Variants in LANCL2 observed in about 807,000 individuals in gnomAD.
The protein encoded by LANCL2 is lanC-like protein 2.
A neutral mutation model predicts 56.9 loss-of-function variants in LANCL2; 33 were observed. That is an observed-to-expected ratio of 0.58 (90% confidence interval 0.44 to 0.78). The LOEUF is 0.78. Ranked by LOEUF, LANCL2 falls within the 30% of genes least tolerant of loss-of-function variation. The probability of loss-of-function intolerance (pLI) is 0.00; values close to 1 mark genes in which losing one functional copy is unlikely to be tolerated. For missense variants in LANCL2, 562 were observed against 580.2 expected (o/e 0.97, Z 0.32); for synonymous variants, 233 against 228.2 (o/e 1.02, Z -0.19).
At chr7:55,379,945 A>G (rs1790047504) in intron 1 of LANCL2, 1 of 152,260 alleles carries the variant, frequency 6.6e-6, no homozygotes, top group Admixed American at 6.5e-5. Flanking sequence ...TTATCATTTA[A>G]GTGAGCATAA....
chr7:55,429,519 T>C (rs1318831883), intron 8 of LANCL2, among the ~76,000 whole-genome samples: 2 of 152,262 alleles, frequency 1.3e-5, no homozygotes, highest in Admixed American at 6.5e-5. Flanking sequence ...TGTCCTGTTT[T>C]AGTTTTCATA....
intron 1 of LANCL2, chr7:55,379,660 T>G (rs1465842926): frequency 1.3e-5 from 2 of 152,634 alleles, no homozygotes; most frequent in Non-Finnish European, 2.9e-5. Flanking sequence ...AAACCAAAGG[T>G]CAAGACACAG....
At position 55,398,566 on chromosome 7, in the gene LANCL2, G is replaced by C. The variant is rs1790283183; in HGVS notation, c.466G>C (p.Ala156Pro). The change falls in exon 3 of 9, where the codon GCT (alanine) becomes CCT (proline). Residue 156 changes from alanine to proline, a missense_variant. Ala to Pro is a conservative substitution (Grantham distance 27). Coordinates refer to ENST00000254770, the MANE Select transcript of LANCL2 (RefSeq NM_018697.4). ...CCTCTGTGGGGATGCTGGCCCCCTGGCTGTTGGAGCTGTGATTTATCACAA... is the reference window on the plus strand; with the variant it reads ...CCTCTGTGGGGATGCTGGCCCCCTGCCTGTTGGAGCTGTGATTTATCACAA... ...TFLCGDAGPLAVGAVIYHKLR... is the reference protein window; with the variant it reads ...TFLCGDAGPLPVGAVIYHKLR... 1.9e-6 allele frequency: 3 copies of C among 1,614,202 alleles called. No individual in the cohort carries two copies. The highest frequency in any genetic ancestry group is 2.5e-6 in the Non-Finnish European group (3 of 1,180,040).
At chr7:55,385,138 G>T (rs1490464592) in intron 1 of LANCL2, among the ~76,000 whole-genome samples, 1 of 152,150 alleles carries the variant, frequency 6.6e-6, no homozygotes, top group African/African-American at 2.4e-5. Flanking sequence ...AGTGAGCCAA[G>T]ATCATGCCAT....
At position 55,425,401 on chromosome 7, in the gene LANCL2, G is replaced by A. The variant is rs1233522408; in HGVS notation, c.1156G>A (p.Asp386Asn). The A allele has an allele frequency of 6.2e-7, 1 of 1,614,096 alleles. No individual in the cohort carries two copies. ...CCTGTCCCTTTACCGTCTCACGCAG[G>A]ATAAGAAGTACCTCTACCGAGCTTG... Reference protein sequence around the residue: ...SFLSLYRLTQDKKYLYRACKF... With the variant: ...SFLSLYRLTQNKKYLYRACKF... Residue 386 changes from aspartate (D) to asparagine (N), a missense_variant, in exon 7 of 9, where the codon GAT becomes AAT. Asp to Asn is a conservative substitution (Grantham distance 23, BLOSUM62 1). This residue lies in a region of LANCL2 where 378 missense variants were observed against 468.4 expected (regional missense o/e 0.81). Transcript: ENST00000254770.
intron 1 of LANCL2, among the ~76,000 whole-genome samples, chr7:55,390,831 A>G (rs959989528): frequency 1.3e-5 from 2 of 151,960 alleles, no homozygotes; most frequent in Non-Finnish European, 2.9e-5. Context: ...CTGTTAAGCT[A>G]CATTATTTAA....
chr7:55,432,122 T>G lies in LANCL2; in HGVS notation c.*802T>G, dbSNP rs1411607351. On this transcript the variant is annotated 3_prime_UTR_variant, in exon 9 of 9. Transcript: ENST00000254770. ...CTAAGCACTGGCAGTTCCAGAACATTTACCCAGGTATATGTTACTAAAACA... is the reference window on the plus strand; with the variant it reads ...CTAAGCACTGGCAGTTCCAGAACATGTACCCAGGTATATGTTACTAAAACA... 1 of 152,174 alleles carries G rather than the reference T, an allele frequency of 6.6e-6. No individual in the cohort carries two copies. Among genetic ancestry groups the G allele is most frequent in the Non-Finnish European group, 1.5e-5 (1 of 68,028 alleles). The allele number at this position is 152,174 out of a possible 1,614,324, so 9.4% of individuals were successfully genotyped here.
At chr7:55,399,779 AG>A (rs1470199669) in intron 3 of LANCL2, among the ~76,000 whole-genome samples, 177 bp from the exon 4 acceptor site, 2 of 152,226 alleles carry the variant, frequency 1.3e-5, no homozygotes, top group African/African-American at 4.8e-5. Context: ...GACATTCAAA[AG>A]GGGACTAGTA....
At chr7:55,406,183 A>G (rs1241959679) in intron 5 of LANCL2, among the ~76,000 whole-genome samples, 1 of 152,134 alleles carries the variant, frequency 6.6e-6, no homozygotes, top group Non-Finnish European at 1.5e-5. Context: ...GCAGACTTGG[A>G]CTTCGTGCTC....
chr7:55,414,062 T>C (rs912048418), intron 6 of LANCL2, among the ~76,000 whole-genome samples: 4 of 152,218 alleles, frequency 2.6e-5, no homozygotes, highest in Admixed American at 6.5e-5. Flanking sequence ...TGTACAATTA[T>C]TATATATCAA....
At chr7:55,378,262 C>T (rs1404465489) in intron 1 of LANCL2, among the ~76,000 whole-genome samples, 1 of 152,076 alleles carries the variant, frequency 6.6e-6, no homozygotes, top group Non-Finnish European at 1.5e-5. Context: ...GAGTTCAAGA[C>T]CATTCTGGCC....
At chr7:55,386,155 A>G (rs1025321779) in intron 1 of LANCL2, among the ~76,000 whole-genome samples, 4 of 152,192 alleles carry the variant, frequency 2.6e-5, no homozygotes, top group Non-Finnish European at 5.9e-5. Flanking sequence ...AGTTAACACA[A>G]TTATTACAGG....
intron 6 of LANCL2, among the ~76,000 whole-genome samples, chr7:55,413,604 C>T (rs1301511537): frequency 1.3e-5 from 2 of 152,210 alleles, no homozygotes; most frequent in Non-Finnish European, 2.9e-5. Flanking sequence ...CTGTTTTCAC[C>T]ACTGCTGGCC....
intron 1 of LANCL2, among the ~76,000 whole-genome samples, chr7:55,387,415 G>T (rs1036971219): frequency 2.0e-5 from 3 of 152,324 alleles, no homozygotes; most frequent in South Asian, 4.1e-4. Flanking sequence ...AACTGACAAA[G>T]ACTGCAGAAG....
intron 1 of LANCL2, among the ~76,000 whole-genome samples, chr7:55,384,750 G>A (rs1224077079): frequency 6.6e-6 from 1 of 152,032 alleles, no homozygotes; most frequent in Non-Finnish European, 1.5e-5. Flanking sequence ...TGGAGACAGA[G>A]GAGAATGAAA....
At chr7:55,377,876 A>T (rs1790020879) in intron 1 of LANCL2, among the ~76,000 whole-genome samples, 1 of 152,224 alleles carries the variant, frequency 6.6e-6, no homozygotes, top group Non-Finnish European at 1.5e-5. Flanking sequence ...ATTTCTATTC[A>T]TATGGTATGA....
At chr7:55,422,501 G>A (rs1273883070) in intron 6 of LANCL2, among the ~76,000 whole-genome samples, 2 of 152,158 alleles carry the variant, frequency 1.3e-5, no homozygotes, top group African/African-American at 2.4e-5. Context: ...TATTTATCGT[G>A]CTTAAGATCC....
intron 5 of LANCL2, among the ~76,000 whole-genome samples, chr7:55,410,962 C>T (rs1297184501): frequency 6.6e-6 from 1 of 151,478 alleles, no homozygotes; most frequent in African/African-American, 2.4e-5. Context: ...TGACATGTCA[C>T]CCTGAGATGT....
intron 1 of LANCL2, among the ~76,000 whole-genome samples, chr7:55,386,079 T>C (rs1030823076): frequency 2.6e-5 from 4 of 152,246 alleles, no homozygotes; most frequent in African/African-American, 9.6e-5. Context: ...ATTGCTGTTA[T>C]CCTGTTCTTT....
Sources: allele counts gnomAD v4.1 joint callset (sites outside exome capture counted in the v4.1 genomes callset), GRCh38; gene constraint gnomAD v4.1.1; regional missense constraint gnomAD v4.1.1; transcripts MANE v1.5; gene names NCBI Gene and HGNC (gene_info 2026-07-23, HGNC 2026-07-21).